TSHZ2: variants seen among roughly 807,000 people sequenced by gnomAD.
TSHZ2 encodes the protein teashirt zinc finger homeobox 2, also known as teashirt homolog 2.
A neutral mutation model predicts 74.4 loss-of-function variants in TSHZ2; 21 were observed. That is an observed-to-expected ratio of 0.28 (90% CI 0.20 to 0.41). The LOEUF (loss-of-function observed/expected upper bound fraction) is 0.41. Ranked by LOEUF, TSHZ2 falls within the 10% of genes least tolerant of loss-of-function variation. The pLI is 1.00. For missense variants in TSHZ2, 1,244 were observed against 1,293.5 expected (o/e 0.96, Z 0.59); for synonymous variants, 540 against 515.3 (o/e 1.05, Z -0.65).
chr20:53,492,154 A>G lies in TSHZ2; in HGVS notation c.*5019A>G, dbSNP rs1037957256. 1 of 152,114 alleles carries G rather than the reference A, an allele frequency of 6.6e-6. No individual in the cohort carries two copies. Among genetic ancestry groups the G allele is most frequent in the Non-Finnish European group, 1.5e-5 (1 of 68,020 alleles). 9.4% of individuals were successfully genotyped at this position (152,114 alleles called of 1,614,324 possible). A position where few individuals can be genotyped will look rare whatever the true frequency, so the allele number is the denominator to read the frequency against. On this transcript the variant is annotated 3_prime_UTR_variant, in exon 3 of 3. Coordinates refer to ENST00000371497, the MANE Select transcript of TSHZ2 (RefSeq NM_173485.6). The stretch of plus-strand genomic sequence containing the variant: ...TTCAATGAATTGTCTTGAACCTGAA[A>G]CCTGCATTTAGATATCAGTCCCCTG...
chr20:53,356,867 AAAT>A (rs970204416), intron 2 of TSHZ2, among the ~76,000 whole-genome samples: 21 of 151,960 alleles, frequency 1.4e-4, no homozygotes, highest in Non-Finnish European at 2.2e-4. Flanking sequence ...GAAAACAGGA[AAAT>A]AATAATAATA....
intron 2 of TSHZ2, among the ~76,000 whole-genome samples, chr20:53,443,077 T>C (rs6022480): frequency 0.041 from 6,269 of 152,262 alleles, 412 homozygotes; most frequent in African/African-American, 0.14. Context: ...AGTTTTGCAT[T>C]GAGACTGGTT....
chr20:53,255,831 T>C lies in TSHZ2; in HGVS notation c.2373T>C (p.Ala791=). 1.2e-6 allele frequency: 2 copies of C among 1,612,832 alleles called. No homozygotes were observed. The highest frequency in any genetic ancestry group is 8.5e-7 in the Non-Finnish European group (1 of 1,179,368). ...QSCMSPPQKH[A]LSDIADMVKV... ...GTATGTCCCCACCTCAGAAGCACGCTCTGTCTGACATCGCCGACATGGTCA... is the reference window on the plus strand; with the variant it reads ...GTATGTCCCCACCTCAGAAGCACGCCCTGTCTGACATCGCCGACATGGTCA... The change falls in exon 2 of 3, where the codon GCT becomes GCC. Residue 791 remains alanine (A), a synonymous_variant. Coordinates refer to ENST00000371497, the MANE Select transcript of TSHZ2 (RefSeq NM_173485.6). This position sits in a 1 kb window ranked among gnomAD's most constrained non-coding sequence, Gnocchi z 4.1.
At chr20:53,040,719 G>C (rs1048288404) in intron 1 of TSHZ2, among the ~76,000 whole-genome samples, 1 of 152,102 alleles carries the variant, frequency 6.6e-6, no homozygotes, top group East Asian at 1.9e-4. Flanking sequence ...TTTCCTGTTT[G>C]TTTGGGGACT....
At chr20:53,294,726 TGA>T (rs1393762604) in intron 2 of TSHZ2, among the ~76,000 whole-genome samples, 1 of 152,224 alleles carries the variant, frequency 6.6e-6, no homozygotes, top group African/African-American at 2.4e-5. Flanking sequence ...CAAGAGGTTC[TGA>T]GAGTCTTTGG....
Position 53,047,893 on chromosome 20 carries a change from G to A in TSHZ2, c.40+74560G>A, listed in dbSNP as rs574260770. ...AGGTGCTAAACATACATAGATTTTCGCTGACTCTGAAAACAGCCCTGCAAG... is the reference window on the plus strand; with the variant it reads ...AGGTGCTAAACATACATAGATTTTCACTGACTCTGAAAACAGCCCTGCAAG... On this transcript the variant is annotated intron_variant, in intron 1 of 2. Coordinates refer to ENST00000371497, the MANE Select transcript of TSHZ2 (RefSeq NM_173485.6). 2.5e-3 allele frequency among the ~76,000 whole-genome samples: 380 copies of A among 152,126 alleles called. 2 individuals carry two copies. The highest frequency in any genetic ancestry group is 8.6e-3 in the African/African-American group (355 of 41,488).
intron 1 of TSHZ2, among the ~76,000 whole-genome samples, chr20:53,030,467 C>G (rs976614403): frequency 2.0e-5 from 3 of 152,122 alleles, no homozygotes; most frequent in Non-Finnish European, 2.9e-5. Context: ...ACATCATGGT[C>G]AGCAAGCATC....
chr20:53,441,228 TTATTTTATTTTA>T lies in TSHZ2; in HGVS notation c.*9-45914_*9-45903del, dbSNP rs1568918581. ...TATAACCCTTATTTATTTGTTTATT[TTATTTTATTTTA>T]TTTTATTTTATTTTATTTTATTTTA... is the stretch of plus-strand genomic sequence containing the variant. On this transcript the variant is annotated intron_variant, in intron 2 of 2. Transcript: ENST00000371497. Among the ~76,000 whole-genome samples, 105 of 77,800 alleles carry T rather than the reference TTATTTTATTTTA, an allele frequency of 1.3e-3. 1 individual carries two copies. Among genetic ancestry groups the T allele is most frequent in the Admixed American group, 4.1e-3 (30 of 7,384 alleles). The allele number at this position is 77,800 out of a possible 152,430, so 51.0% of individuals were successfully genotyped here.
intron 1 of TSHZ2, among the ~76,000 whole-genome samples, chr20:53,218,433 G>A (rs539430386): frequency 8.0e-4 from 122 of 152,330 alleles, no homozygotes; most frequent in South Asian, 2.5e-3. Context: ...ATAGATAATC[G>A]TAATAATAAT....
At position 53,253,878 on chromosome 20, in the gene TSHZ2, C is replaced by A; in HGVS notation, c.420C>A (p.Gly140=). 6.2e-7 allele frequency: 1 copy of A among 1,614,186 alleles called. No homozygotes were observed. Among genetic ancestry groups the A allele is most frequent in the Non-Finnish European group, 8.5e-7 (1 of 1,180,038 alleles). The change falls in exon 2 of 3, where the codon GGC becomes GGA. Residue 140 remains glycine (G), a synonymous_variant. Transcript: ENST00000371497. ...ANILSDSYWS[G]LGLGFKLSNS... ...TCCTGTCGGATTCCTACTGGTCAGG[C>A]CTGGGCCTTGGCTTCAAGCTGTCCA...
chr20:53,101,294 A>G (rs1316388057), intron 1 of TSHZ2, among the ~76,000 whole-genome samples: 1 of 152,176 alleles, frequency 6.6e-6, no homozygotes, highest in Non-Finnish European at 1.5e-5. Flanking sequence ...ACCTGTTCAG[A>G]TCGTCACCAA....
chr20:53,080,481 G>A (rs1426837297), intron 1 of TSHZ2, among the ~76,000 whole-genome samples: 1 of 152,068 alleles, frequency 6.6e-6, no homozygotes, highest in African/African-American at 2.4e-5. Flanking sequence ...AACCTTTTTG[G>A]CACCAGGGAT....
intron 1 of TSHZ2, among the ~76,000 whole-genome samples, chr20:53,013,310 A>G (rs558635756): frequency 2.0e-5 from 3 of 152,172 alleles, no homozygotes; most frequent in Non-Finnish European, 4.4e-5. Context: ...TCCTGTATGA[A>G]ACTCTCACAT....
chr20:53,291,310 A>G (rs1991273420), intron 2 of TSHZ2, among the ~76,000 whole-genome samples: 1 of 152,068 alleles, frequency 6.6e-6, no homozygotes. Context: ...AGTCTCTACT[A>G]AAAATACACA....
At chr20:53,219,788 T>C (rs1240590014) in intron 1 of TSHZ2, among the ~76,000 whole-genome samples, 1 of 152,238 alleles carries the variant, frequency 6.6e-6, no homozygotes, top group Non-Finnish European at 1.5e-5. Flanking sequence ...AATAATCTGA[T>C]TGGTGACACC....
In TSHZ2 at chr20:53,340,109, C is replaced by T. The variant is rs554064355; in HGVS notation, c.*8+83538C>T. 3.3e-5 allele frequency among the ~76,000 whole-genome samples: 5 copies of T among 151,966 alleles called. No homozygotes were observed. The East Asian group carries it at 9.7e-4, about 29-fold the overall frequency. Reference sequence around the variant, plus strand: ...CATCTCTTTCCAGAAGCAATAAATGCCAATGCCTGGTGGGGGGAAGAGCAG... The same window carrying T: ...CATCTCTTTCCAGAAGCAATAAATGTCAATGCCTGGTGGGGGGAAGAGCAG... On this transcript the variant is annotated intron_variant, in intron 2 of 2. Coordinates refer to ENST00000371497, the MANE Select transcript of TSHZ2 (RefSeq NM_173485.6).
At chr20:53,334,382 G>C (rs942198342) in intron 2 of TSHZ2, among the ~76,000 whole-genome samples, 1 of 152,176 alleles carries the variant, frequency 6.6e-6, no homozygotes, top group African/African-American at 2.4e-5. Context: ...AGACATTGGG[G>C]AAGGAGCATT....
intron 2 of TSHZ2, among the ~76,000 whole-genome samples, chr20:53,263,837 A>T (rs141372467): frequency 6.6e-6 from 1 of 151,732 alleles, no homozygotes; most frequent in Non-Finnish European, 1.5e-5. Context: ...TCTTTAGGAA[A>T]CTCTACTTCC....
chr20:53,443,759 T>G (rs550728315), intron 2 of TSHZ2, among the ~76,000 whole-genome samples: 2 of 152,330 alleles, frequency 1.3e-5, no homozygotes, highest in African/African-American at 4.8e-5. Context: ...CCATAGTTTC[T>G]GCATCCGTAA....
Sources: gnomAD v4.1 joint callset for allele counts (sites outside exome capture counted in the v4.1 genomes callset) on GRCh38, gnomAD v4.1.1 for gene constraint, Gnocchi (gnomAD v3.1) non-coding constraint, MANE v1.5 for transcripts, NCBI Gene and HGNC (gene_info 2026-07-23, HGNC 2026-07-21) for gene names.